STARD9: variants seen among roughly 807,000 people sequenced by gnomAD.
STARD9 encodes StAR related lipid transfer domain containing 9.
STARD9 carries 346 observed loss-of-function variants against 399.8 expected under a neutral mutation model. The observed-to-expected ratio is 0.87, with a 90% CI of 0.79 to 0.95. The LOEUF is 0.95. STARD9 is among the 40% of genes least tolerant of loss of function. The pLI, the probability that STARD9 is intolerant of heterozygous loss-of-function variation, is 0.00. For synonymous variants in STARD9, 2,203 were observed against 2,143.5 expected (o/e 1.03, Z -0.77); for missense variants, 5,832 against 5,667.5 (o/e 1.03, Z -0.93).
chr15:42,609,246 C>T (rs1355173099), intron 3 of STARD9, among the ~76,000 whole-genome samples: 1 of 152,070 alleles, frequency 6.6e-6, no homozygotes, highest in Non-Finnish European at 1.5e-5. Flanking sequence ...CCAAATAAGT[C>T]GAGTGTTGAA....
intron 26 of STARD9, among the ~76,000 whole-genome samples, chr15:42,710,312 C>G (rs535414613): frequency 1.3e-5 from 2 of 151,320 alleles, no homozygotes; most frequent in Admixed American, 6.6e-5. Context: ...ATCTGCCCGC[C>G]TGAGCCTCCC....
At chr15:42,600,651 G>A (rs566288410) in intron 3 of STARD9, among the ~76,000 whole-genome samples, 13 of 151,256 alleles carry the variant, frequency 8.6e-5, no homozygotes, top group Admixed American at 5.9e-4. Flanking sequence ...TCAGCCTCCC[G>A]AGTAGCTGGG....
Position 42,583,369 on chromosome 15 carries a change from T to G in STARD9, c.71T>G (p.Ile24Ser). ...SKRETKEGGR[I>S]IVEVDGKVAK... The stretch of plus-strand genomic sequence containing the variant: ...AGGGAGACCAAAGAAGGGGGAAGAA[T>G]TATTGTGGAAGTTGATGGCAAAGTG... Residue 24 changes from isoleucine to serine, a missense_variant, in exon 2 of 33, where the codon ATT becomes AGT. Physicochemically the swap from Ile to Ser is moderately radical, Grantham distance 142. This residue lies in a region of STARD9 where 5,828 missense variants were observed against 5,651.1 expected (regional missense o/e 1.03). Coordinates refer to ENST00000290607, the MANE Select transcript of STARD9 (RefSeq NM_020759.3). 6.5e-7 allele frequency: 1 copy of G among 1,537,118 alleles called. No homozygotes were observed. The highest frequency in any genetic ancestry group is 8.7e-7 in the Non-Finnish European group (1 of 1,146,738).
chr15:42,718,717 A>G, intron 31 of STARD9, 35 bp from the exon 32 acceptor site: 2 of 1,535,456 alleles, frequency 1.3e-6, no homozygotes, highest in South Asian at 1.2e-5. Context: ...TGTCCACACT[A>G]CACAGGCAGG....
chr15:42,664,696 CTG>C (rs1421987435), intron 13 of STARD9, among the ~76,000 whole-genome samples: 7 of 151,846 alleles, frequency 4.6e-5, no homozygotes, highest in Non-Finnish European at 1.0e-4. Context: ...TGCAAGTAGT[CTG>C]TGTTTTATTT....
intron 26 of STARD9, among the ~76,000 whole-genome samples, chr15:42,714,432 A>C (rs2061314915): frequency 6.6e-6 from 1 of 152,118 alleles, no homozygotes; most frequent in African/African-American, 2.4e-5. Flanking sequence ...ACATTATTGA[A>C]TTTGTTGGCA....
At chr15:42,677,987 C>G (rs539637890) in intron 20 of STARD9, among the ~76,000 whole-genome samples, 213 of 152,310 alleles carry the variant, frequency 1.4e-3, no homozygotes, top group Non-Finnish European at 2.6e-3. Flanking sequence ...TTCAGACACA[C>G]AAGAATGTGT....
In STARD9 at chr15:42,688,744, G is replaced by A; in HGVS notation, c.7166G>A (p.Ser2389Asn). Residue 2389 changes from serine to asparagine, a missense_variant, in exon 23 of 33, where the codon AGC becomes AAC. Coordinates refer to ENST00000290607, the MANE Select transcript of STARD9 (RefSeq NM_020759.3). ...EHQDQSTETR[S>N]HSPEGNVRGR... is the part of the protein sequence containing the mutation. ...CAGGACCAGAGTACGGAGACCAGAA[G>A]CCACAGCCCCGAAGGAAATGTTAGA... 1 of 1,537,734 alleles carries A rather than the reference G, an allele frequency of 6.5e-7. No individual in the cohort carries two copies. Among genetic ancestry groups the A allele is most frequent in the Non-Finnish European group, 8.7e-7 (1 of 1,147,028 alleles).
chr15:42,633,764 T>C (rs566335933), intron 3 of STARD9, among the ~76,000 whole-genome samples: 11 of 152,084 alleles, frequency 7.2e-5, no homozygotes, highest in African/African-American at 2.7e-4. Flanking sequence ...TGCCTCCGCT[T>C]CCCAAGTAGC....
At chr15:42,626,375 C>CCTCTTCTTCCTCTTCCTCT (rs1566884932) in intron 3 of STARD9, among the ~76,000 whole-genome samples, 8 of 125,978 alleles carry the variant, frequency 6.4e-5, no homozygotes, top group African/African-American at 1.0e-4. Flanking sequence ...CTTCTTCCTC[C>CCTCTTCTTCCTCTTCCTCT]TCTTCCTCCT....
chr15:42,583,267 TC>T, intron 1 of STARD9, 78 bp from the exon 2 acceptor site: 1 of 1,025,990 alleles, frequency 9.7e-7, no homozygotes, highest in Non-Finnish European at 1.4e-6. Context: ...AAATATTTTG[TC>T]CCACTAGCAC....
At position 42,712,111 on chromosome 15, in the gene STARD9, A is replaced by AATATTATATATT. The variant is rs2061248577; in HGVS notation, c.13285-4562_13285-4561insTATATATTATAT. Among the ~76,000 whole-genome samples the AATATTATATATT allele has an allele frequency of 6.3e-4, 2 of 3,184 alleles. 1 individual carries two copies. The highest frequency in any genetic ancestry group is 9.4e-4 in the Non-Finnish European group (2 of 2,120). 2.1% of individuals were successfully genotyped at this position (3,184 alleles called of 152,430 possible). A position where few individuals can be genotyped will look rare whatever the true frequency, so the allele number is the denominator to read the frequency against. ...TATATATATATAATATATAATATATAATATATAATATATATATAAATGTGC... is the reference window on the plus strand; with the variant it reads ...TATATATATATAATATATAATATATAATATTATATATTATATATAATATATATATAAATGTGC... On this transcript the variant is annotated intron_variant, in intron 26 of 32. Transcript: ENST00000290607.
chr15:42,659,571 G>C (rs757466400), intron 9 of STARD9, among the ~76,000 whole-genome samples: 1 of 152,154 alleles, frequency 6.6e-6, no homozygotes, highest in African/African-American at 2.4e-5. Flanking sequence ...TGTTGCCCAG[G>C]CTGGAGGGGC....
At chr15:42,626,351 TTCTTCC>T (rs759505544) in intron 3 of STARD9, among the ~76,000 whole-genome samples, 44 of 140,362 alleles carry the variant, frequency 3.1e-4, no homozygotes, top group Non-Finnish European at 1.5e-4. Context: ...CCTCTTCCTC[TTCTTCC>T]TCTTCCTCTT....
intron 3 of STARD9, among the ~76,000 whole-genome samples, chr15:42,615,166 G>A (rs905869732): frequency 5.3e-5 from 8 of 151,792 alleles, no homozygotes; most frequent in South Asian, 2.1e-4. Context: ...CCACCATCAT[G>A]CTGGCTAATT....
intron 16 of STARD9, 107 bp from the exon 17 acceptor site, chr15:42,674,333 A>G: frequency 1.1e-6 from 1 of 905,922 alleles, no homozygotes; most frequent in South Asian, 1.5e-5. Context: ...GAGAAGTGGT[A>G]CAGATGAGGC....
chr15:42,688,478 C>T lies in STARD9; in HGVS notation c.6900C>T (p.Ser2300=). The part of the protein sequence containing the change: ...NKVTQKFPSL[S]QLCRDTFFRQ... The stretch of plus-strand genomic sequence containing the variant: ...TGACTCAGAAATTTCCTAGTCTCAG[C>T]CAGCTTTGTAGGGACACGTTTTTCA... The change falls in exon 23 of 33, where the codon AGC becomes AGT. Residue 2300 remains serine, a synonymous_variant. Transcript: ENST00000290607. 6.5e-7 allele frequency: 1 copy of T among 1,537,866 alleles called. No individual in the cohort carries two copies. The highest frequency in any genetic ancestry group is 8.7e-7 in the Non-Finnish European group (1 of 1,147,048).
Position 42,690,563 on chromosome 15 carries a change from C to G in STARD9, c.8985C>G (p.His2995Gln). Reference sequence around the variant, plus strand: ...TCAAGGCTGCCCCACATACTATCCACCCACCCTGTGTAGTACCTTCCAGGG... The same window carrying G: ...TCAAGGCTGCCCCACATACTATCCAGCCACCCTGTGTAGTACCTTCCAGGG... ...EPFKAAPHTI[H>Q]PPCVVPSRAY... is the part of the protein sequence containing the mutation. The change falls in exon 23 of 33, where the codon CAC (histidine) becomes CAG (glutamine). Residue 2995 changes from histidine (H) to glutamine (Q), a missense_variant. Physicochemically the swap from His to Gln is conservative, Grantham distance 24. This residue lies in a region of STARD9 where 5,828 missense variants were observed against 5,651.1 expected (regional missense o/e 1.03). Coordinates refer to ENST00000290607, the MANE Select transcript of STARD9 (RefSeq NM_020759.3). 1 of 1,537,152 alleles carries G rather than the reference C, an allele frequency of 6.5e-7. No individual in the cohort carries two copies. Among genetic ancestry groups the G allele is most frequent in the Non-Finnish European group, 8.7e-7 (1 of 1,146,864 alleles).
At chr15:42,634,482 T>A (rs1414985522) in intron 3 of STARD9, among the ~76,000 whole-genome samples, 1 of 152,208 alleles carries the variant, frequency 6.6e-6, no homozygotes, top group Non-Finnish European at 1.5e-5. Context: ...TGGGCAATAT[T>A]TCACTGCAGC....
Sources: gnomAD v4.1 joint callset for allele counts (sites outside exome capture counted in the v4.1 genomes callset) on GRCh38, gnomAD v4.1.1 for gene constraint, gnomAD v4.1.1 regional missense constraint, MANE v1.5 for transcripts, NCBI Gene and HGNC (gene_info 2026-07-23, HGNC 2026-07-21) for gene names.